PTGER3: variants seen among roughly 807,000 people sequenced by gnomAD.
PTGER3 encodes the protein prostaglandin E receptor 3.
Under a neutral mutation model 34.7 loss-of-function variants are expected in PTGER3, and 22 were observed. That is an observed-to-expected ratio of 0.63 (90% CI 0.45 to 0.91). The LOEUF is 0.91. Among genes scored for constraint, PTGER3 ranks in the 40% least tolerant of loss-of-function variants. The pLI, the probability that PTGER3 is intolerant of heterozygous loss-of-function variation, is 0.00. For missense variants in PTGER3, 468 were observed against 519.4 expected (o/e 0.90, Z 0.96); for synonymous variants, 241 against 230.1 (o/e 1.05, Z -0.43).
At position 70,886,730 on chromosome 1, in the gene PTGER3, A is replaced by T. The variant is rs72669133; in HGVS notation, c.*24-33871T>A. ...GAATAAGCGTCTCATGAGGACAGGAATTTTTGTACTGTTCTTTATCTCCAG... is the reference window on the plus strand; with the variant it reads ...GAATAAGCGTCTCATGAGGACAGGATTTTTTGTACTGTTCTTTATCTCCAG... On this transcript the variant is annotated intron_variant, in intron 4 of 4. Transcript: ENST00000370931. Among the ~76,000 whole-genome samples, 508 of 152,286 alleles carry T rather than the reference A, an allele frequency of 3.3e-3. 1 individual carries two copies. The highest frequency in any genetic ancestry group is 5.9e-3 in the Non-Finnish European group (398 of 68,018).
Position 70,971,288 on chromosome 1 carries a change from A to G in PTGER3, c.*442T>C, listed in dbSNP as rs2100674968. ...TTCATATCCTATTAATTGAATTATCACTCTCAATATGTTGACTTTTCACCA... is the reference window on the plus strand; with the variant it reads ...TTCATATCCTATTAATTGAATTATCGCTCTCAATATGTTGACTTTTCACCA... On this transcript the variant is annotated 3_prime_UTR_variant, in exon 4 of 4. Transcript: ENST00000306666. The G allele has an allele frequency of 2.0e-6, 2 of 986,508 alleles. No individual in the cohort carries two copies. The highest frequency in any genetic ancestry group is 2.4e-6 in the Non-Finnish European group (2 of 830,804). The allele number at this position is 986,508 out of a possible 1,614,324, so 61.1% of individuals were successfully genotyped here.
chr1:70,863,012 T>A (rs1274373982), intron 4 of PTGER3, among the ~76,000 whole-genome samples: 1 of 151,944 alleles, frequency 6.6e-6, no homozygotes, highest in Non-Finnish European at 1.5e-5. Flanking sequence ...GAGACACTTG[T>A]AGGATGTAAA....
chr1:70,854,535 T>C (rs2100432265), intron 4 of PTGER3, among the ~76,000 whole-genome samples: 1 of 152,246 alleles, frequency 6.6e-6, no homozygotes, highest in African/African-American at 2.4e-5. Context: ...TGGGGACAGA[T>C]TTCCCCCTTG....
intron 4 of PTGER3, among the ~76,000 whole-genome samples, chr1:70,906,072 C>G (rs1256259317): frequency 6.6e-6 from 1 of 152,124 alleles, no homozygotes; most frequent in African/African-American, 2.4e-5. Context: ...CAAGCTCTCT[C>G]TTTGCCTGCC....
At chr1:70,991,679 AG>A (rs1373928981) in intron 2 of PTGER3, among the ~76,000 whole-genome samples, 2 of 152,108 alleles carry the variant, frequency 1.3e-5, no homozygotes, top group African/African-American at 4.8e-5. Flanking sequence ...TGTCTTTCCC[AG>A]GTTTTTCCAA....
intron 4 of PTGER3, among the ~76,000 whole-genome samples, chr1:70,894,458 C>T (rs943420235): frequency 1.3e-5 from 2 of 152,058 alleles, no homozygotes; most frequent in African/African-American, 4.8e-5. Context: ...TAGTTTTCTA[C>T]ATGACCTTGG....
At position 71,009,248 on chromosome 1, in the gene PTGER3, T is replaced by C. The variant is rs1191018878; in HGVS notation, c.1077+3057A>G. 6 of 985,050 alleles carry C rather than the reference T, an allele frequency of 6.1e-6. No homozygotes were observed. In the East Asian group the frequency reaches 6.8e-4, roughly 112 times the overall value. 61.0% of individuals were successfully genotyped at this position (985,050 alleles called of 1,614,324 possible). ...ACTCAATGCCAATGTGCTCACAGGA[T>C]CTTTCATAGTTAACTTACATGAGGT... On this transcript the variant is annotated intron_variant, in intron 2 of 3. Transcript: ENST00000306666.
intron 2 of PTGER3, among the ~76,000 whole-genome samples, chr1:70,989,916 T>C (rs935552081): frequency 2.0e-5 from 3 of 151,708 alleles, no homozygotes; most frequent in African/African-American, 7.3e-5. Context: ...CACACATGCA[T>C]ATATATTTTC....
At chr1:70,940,432 C>T (rs1649646793) in intron 4 of PTGER3, among the ~76,000 whole-genome samples, 1 of 152,150 alleles carries the variant, frequency 6.6e-6, no homozygotes, top group Non-Finnish European at 1.5e-5. Context: ...CATAAATGCC[C>T]CACTCTACTG....
In PTGER3 at chr1:71,010,108, T is replaced by C. The variant is rs549306210; in HGVS notation, c.1077+2197A>G. 1.8e-4 allele frequency: 179 copies of C among 985,236 alleles called. No individual in the cohort carries two copies. The African/African-American group carries it at 3.0e-3, about 17-fold the overall frequency. The allele number at this position is 985,236 out of a possible 1,614,324, so 61.0% of individuals were successfully genotyped here. ...ATATCCCCTGGGCAGGAATTTAATT[T>C]GCAGTTAAGAATAAGTGTCAGGTTT... On this transcript the variant is annotated intron_variant, in intron 2 of 3. Transcript: ENST00000306666.
chr1:70,922,619 G>A (rs61777126), intron 4 of PTGER3, among the ~76,000 whole-genome samples: 12,184 of 151,746 alleles, frequency 0.08, 633 homozygotes, highest in South Asian at 0.12. Flanking sequence ...TACTTACCAA[G>A]GCTTTCACCA....
intron 4 of PTGER3, among the ~76,000 whole-genome samples, chr1:70,862,075 T>C (rs916901846): frequency 6.6e-6 from 1 of 152,042 alleles, no homozygotes; most frequent in Non-Finnish European, 1.5e-5. Flanking sequence ...GCCCCATTAA[T>C]CTGAGGATCT....
rs527840968 is a variant in PTGER3 at position 70,880,680 on chromosome 1, ACT to A, written c.*24-27823_*24-27822del. ...ACTCCAGCCTGAGTGAAAGAGCAAG[ACT>A]CTGTCAAAAAAAAAAGAAAAAAAAA... On this transcript the variant is annotated intron_variant, in intron 4 of 4. Coordinates refer to the PTGER3 transcript ENST00000370931. Among the ~76,000 whole-genome samples, 1,094 of 147,860 alleles carry A rather than the reference ACT, an allele frequency of 7.4e-3. 19 individuals carry two copies. The highest frequency in any genetic ancestry group is 0.025 in the African/African-American group (1,013 of 39,888).
intron 1 of PTGER3, among the ~76,000 whole-genome samples, chr1:71,043,838 A>C (rs1660518240): frequency 6.7e-6 from 1 of 148,628 alleles, no homozygotes; most frequent in South Asian, 2.1e-4. Context: ...TTTTTTTTAG[A>C]GGGAGTCCTG....
At chr1:70,936,913 C>T (rs1377137401) in intron 4 of PTGER3, among the ~76,000 whole-genome samples, 1 of 151,938 alleles carries the variant, frequency 6.6e-6, no homozygotes, top group African/African-American at 2.4e-5. Context: ...AATTAAAATC[C>T]AGTAAAGAAG....
At chr1:70,879,620 T>C (rs1190786761) in intron 4 of PTGER3, among the ~76,000 whole-genome samples, 1 of 152,168 alleles carries the variant, frequency 6.6e-6, no homozygotes, top group Non-Finnish European at 1.5e-5. Context: ...ACCCCTGCTA[T>C]TTTCTGTTTT....
intron 2 of PTGER3, among the ~76,000 whole-genome samples, chr1:70,958,646 T>A (rs1048241186): frequency 1.3e-5 from 2 of 152,206 alleles, no homozygotes; most frequent in African/African-American, 4.8e-5. Flanking sequence ...ACTTCATTGA[T>A]CATTTCCTTT....
intron 2 of PTGER3, chr1:71,008,935 T>C (rs1014555627): frequency 1.0e-6 from 1 of 981,990 alleles, no homozygotes; most frequent in Non-Finnish European, 1.2e-6. Flanking sequence ...GAGAAGCTTT[T>C]GGGGTTAAAT....
exon 4 of PTGER3, chr1:70,952,843 AC>A (rs1455057956): frequency 1.1e-5 from 17 of 1,481,610 alleles, no homozygotes; most frequent in African/African-American, 2.8e-5. Context: ...GATTAGAGTC[AC>A]AAACTCAGCT....
Sources: gnomAD v4.1 joint callset for allele counts (sites outside exome capture counted in the v4.1 genomes callset) on GRCh38, gnomAD v4.1.1 for gene constraint, MANE v1.5 for transcripts, NCBI Gene and HGNC (gene_info 2026-07-23, HGNC 2026-07-21) for gene names.